FER: variants seen among roughly 807,000 people sequenced by gnomAD.
FER encodes the protein FER tyrosine kinase, also known as tyrosine-protein kinase Fer.
In FER, 63 loss-of-function variants were observed where a neutral mutation model predicts 111.0. The observed-to-expected ratio is 0.57, with a 90% CI of 0.46 to 0.70. FER has a LOEUF of 0.70. FER is among the 30% of genes least tolerant of loss of function. FER has a pLI of 0.00. For missense variants in FER, 914 were observed against 954.0 expected (o/e 0.96, Z 0.55); for synonymous variants, 327 against 313.9 (o/e 1.04, Z -0.44).
chr5:108,931,243 T>C (rs551529114), intron 10 of FER, among the ~76,000 whole-genome samples: 1 of 152,320 alleles, frequency 6.6e-6, no homozygotes, highest in Admixed American at 6.5e-5. Flanking sequence ...AGACTTCAAA[T>C]GGTATATTGT....
chr5:109,159,966 A>C (rs1755824663), intron 17 of FER, among the ~76,000 whole-genome samples: 1 of 152,058 alleles, frequency 6.6e-6, no homozygotes, highest in Non-Finnish European at 1.5e-5. Flanking sequence ...AAAGAGAAAG[A>C]CTACATTTGG....
At chr5:108,945,302 A>G (rs2149623149) in intron 10 of FER, among the ~76,000 whole-genome samples, 1 of 151,924 alleles carries the variant, frequency 6.6e-6, no homozygotes, top group East Asian at 1.9e-4. Context: ...CCATTACAAA[A>G]CCACACGTGC....
At chr5:108,833,308 A>G (rs1051973225) in intron 4 of FER, among the ~76,000 whole-genome samples, 6 of 152,158 alleles carry the variant, frequency 3.9e-5, no homozygotes, top group African/African-American at 1.4e-4. Flanking sequence ...TACTTTTGGT[A>G]TTCTTAAATT....
chr5:109,180,707 T>A, intron 17 of FER, 40 bp from the exon 18 acceptor site: 1 of 1,556,236 alleles, frequency 6.4e-7, no homozygotes, highest in Non-Finnish European at 8.6e-7. Context: ...GGCTTTCAAT[T>A]TGTTTTAATA....
intron 17 of FER, among the ~76,000 whole-genome samples, chr5:109,110,246 A>T (rs1463959427): frequency 7.2e-5 from 11 of 152,220 alleles, no homozygotes; most frequent in Admixed American, 7.2e-4. Context: ...TTTAAAAAAT[A>T]ATAATCAAAT....
chr5:108,781,596 G>A (rs1754083477), intron 2 of FER, among the ~76,000 whole-genome samples: 1 of 152,178 alleles, frequency 6.6e-6, no homozygotes, highest in Non-Finnish European at 1.5e-5. Context: ...TAGTAATGTG[G>A]CAGTAAGGTG....
At chr5:108,809,166 A>G (rs1467456811) in intron 3 of FER, among the ~76,000 whole-genome samples, 1 of 152,066 alleles carries the variant, frequency 6.6e-6, no homozygotes, top group East Asian at 1.9e-4. Context: ...CTTTTTTTGT[A>G]TTATTCCTTC....
intron 14 of FER, 73 bp downstream of exon 14, chr5:109,037,551 C>T (rs1770572524): frequency 1.6e-6 from 2 of 1,252,054 alleles, no homozygotes; most frequent in Non-Finnish European, 2.3e-6. Context: ...TTTTCATTTT[C>T]CTCAAAGCTT....
chr5:108,776,520 G>T (rs550139881), intron 2 of FER, among the ~76,000 whole-genome samples: 2 of 152,228 alleles, frequency 1.3e-5, no homozygotes, highest in Admixed American at 1.3e-4. Flanking sequence ...TTGAAAAACA[G>T]GAGACATTTT....
At chr5:108,854,381 C>T (rs535926514) in intron 5 of FER, among the ~76,000 whole-genome samples, 2 of 152,118 alleles carry the variant, frequency 1.3e-5, no homozygotes, top group Non-Finnish European at 2.9e-5. Context: ...ACAAAATTCA[C>T]AAAAATGTGA....
chr5:109,075,110 C>G (rs946020983), intron 16 of FER, among the ~76,000 whole-genome samples: 1 of 152,260 alleles, frequency 6.6e-6, no homozygotes, highest in Non-Finnish European at 1.5e-5. Context: ...CTGTACACTT[C>G]CCCTTGCAAA....
At chr5:108,787,314 G>A (rs562635700) in intron 2 of FER, among the ~76,000 whole-genome samples, 56 of 152,252 alleles carry the variant, frequency 3.7e-4, no homozygotes, top group Admixed American at 7.2e-4. Context: ...ATCGACAAGC[G>A]TAGGAGGGGG....
At chr5:108,805,533 A>G (rs6897329) in intron 3 of FER, among the ~76,000 whole-genome samples, 29,351 of 152,116 alleles carry the variant, frequency 0.19, 3,065 homozygotes, top group African/African-American at 0.27. Flanking sequence ...AATGTGGGAA[A>G]GTTTGGAACT....
intron 13 of FER, among the ~76,000 whole-genome samples, chr5:109,001,689 A>C (rs1371981488): frequency 1.3e-5 from 2 of 152,232 alleles, no homozygotes; most frequent in Admixed American, 6.5e-5. Context: ...AGAGGAAGTC[A>C]AATTGTCCCT....
intron 17 of FER, among the ~76,000 whole-genome samples, chr5:109,174,203 G>A (rs577217027): frequency 4.6e-5 from 7 of 152,270 alleles, no homozygotes; most frequent in African/African-American, 1.4e-4. Flanking sequence ...GTGAGGAACA[G>A]TATGATGAGT....
chr5:108,879,701 A>AATATATATATATATAT lies in FER; in HGVS notation c.924-3686_924-3671dup, dbSNP rs1554084618. On this transcript the variant is annotated intron_variant, in intron 8 of 19. Transcript: ENST00000281092. ...ATGTATTTTTTTTAGATTAAAAAAA[A>AATATATATATATATAT]ATATATATATATATATATATATATT... 3.3e-3 allele frequency among the ~76,000 whole-genome samples: 325 copies of AATATATATATATATAT among 99,050 alleles called. 4 individuals carry two copies. Among genetic ancestry groups the AATATATATATATATAT allele is most frequent in the Middle Eastern group, 0.016 (3 of 184 alleles). The allele number at this position is 99,050 out of a possible 152,430, so 65.0% of individuals were successfully genotyped here. A position where few individuals can be genotyped will look rare whatever the true frequency, so the allele number is the denominator to read the frequency against.
chr5:108,889,907 A>T (rs111226508), intron 9 of FER, among the ~76,000 whole-genome samples: 3 of 152,156 alleles, frequency 2.0e-5, no homozygotes, highest in Admixed American at 2.0e-4. Context: ...TGAGATCATT[A>T]TGGATTGACA....
intron 11 of FER, among the ~76,000 whole-genome samples, chr5:108,953,249 G>A (rs1758002086): frequency 6.6e-6 from 1 of 151,586 alleles, no homozygotes; most frequent in African/African-American, 2.4e-5. Flanking sequence ...AGTCGTGGGT[G>A]GGTCTTTAGA....
At position 109,017,578 on chromosome 5, in the gene FER, T is replaced by G. The variant is rs906886553; in HGVS notation, c.1657-19844T>G. Among the ~76,000 whole-genome samples, 4 of 152,030 alleles carry G rather than the reference T, an allele frequency of 2.6e-5. No homozygotes were observed. The East Asian group carries it at 7.7e-4, about 29-fold the overall frequency. ...TGTAATTCATAAGAAAAGAGATAAC[T>G]TATTTGCATATCATAAATTTTAGTT... On this transcript the variant is annotated intron_variant, in intron 13 of 19. Coordinates refer to ENST00000281092, the MANE Select transcript of FER (RefSeq NM_005246.4).
Sources: gnomAD v4.1 joint callset for allele counts (sites outside exome capture counted in the v4.1 genomes callset) on GRCh38, gnomAD v4.1.1 for gene constraint, MANE v1.5 for transcripts, NCBI Gene and HGNC (gene_info 2026-07-23, HGNC 2026-07-21) for gene names.